AGPS: variants seen among roughly 807,000 people sequenced by gnomAD.
The protein encoded by AGPS is alkylglycerone phosphate synthase.
Under a neutral mutation model 90.7 loss-of-function variants are expected in AGPS, and 26 were observed. The observed-to-expected ratio is 0.29, with a 90% confidence interval of 0.21 to 0.40. The LOEUF is 0.40. AGPS is among the 10% of genes least tolerant of loss of function. The pLI is 1.00. For synonymous variants in AGPS, 294 were observed against 285.3 expected (o/e 1.03, Z -0.31); for missense variants, 540 against 816.1 (o/e 0.66, Z 4.12).
chr2:177,517,347 C>T (rs748718038), intron 17 of AGPS, among the ~76,000 whole-genome samples: 1 of 152,186 alleles, frequency 6.6e-6, no homozygotes, highest in Non-Finnish European at 1.5e-5. Flanking sequence ...TTGGTACAAT[C>T]ATCCTATTTG....
intron 17 of AGPS, among the ~76,000 whole-genome samples, chr2:177,517,559 C>CT (rs1456786655): frequency 6.6e-6 from 1 of 152,102 alleles, no homozygotes; most frequent in Non-Finnish European, 1.5e-5. Flanking sequence ...TAGTGACTGA[C>CT]TTTAAGTGCA....
chr2:177,524,314 G>C (rs2079060913), intron 19 of AGPS, among the ~76,000 whole-genome samples: 2 of 152,102 alleles, frequency 1.3e-5, no homozygotes, highest in Admixed American at 1.3e-4. Context: ...GGTCATTTTG[G>C]TAAGTATCGA....
intron 8 of AGPS, among the ~76,000 whole-genome samples, chr2:177,454,358 T>C (rs1437047801): frequency 6.6e-6 from 1 of 152,016 alleles, no homozygotes; most frequent in African/African-American, 2.4e-5. Context: ...ATATTTTTAA[T>C]CTCAGACATT....
At chr2:177,439,486 A>AT (rs1234993599) in intron 5 of AGPS, among the ~76,000 whole-genome samples, 3 of 152,294 alleles carry the variant, frequency 2.0e-5, no homozygotes, top group South Asian at 4.1e-4. Context: ...TTTGTGAATT[A>AT]TTAATTAATG....
At chr2:177,427,404 G>A (rs1003942170) in intron 2 of AGPS, among the ~76,000 whole-genome samples, 2 of 152,072 alleles carry the variant, frequency 1.3e-5, no homozygotes, top group African/African-American at 4.8e-5. Context: ...TTTGGAGTTT[G>A]TTCTTGGTTC....
At chr2:177,394,918 G>T (rs1685130216) in intron 1 of AGPS, among the ~76,000 whole-genome samples, 1 of 152,150 alleles carries the variant, frequency 6.6e-6, no homozygotes, top group Admixed American at 6.5e-5. Flanking sequence ...GAAATGCTGG[G>T]ATTCTGAACT....
At chr2:177,415,248 G>A (rs931779112) in intron 1 of AGPS, among the ~76,000 whole-genome samples, 1 of 152,030 alleles carries the variant, frequency 6.6e-6, no homozygotes, top group Non-Finnish European at 1.5e-5. Context: ...AATGCTCCAG[G>A]GAATATATCA....
At chr2:177,441,746 A>G (rs1196431168) in intron 6 of AGPS, among the ~76,000 whole-genome samples, 3 of 152,200 alleles carry the variant, frequency 2.0e-5, no homozygotes, top group African/African-American at 7.2e-5. Context: ...AGATCTGGTT[A>G]AGAACAGAGA....
At chr2:177,529,643 G>C (rs2079119704) in intron 19 of AGPS, among the ~76,000 whole-genome samples, 1 of 152,168 alleles carries the variant, frequency 6.6e-6, no homozygotes, top group Non-Finnish European at 1.5e-5. Flanking sequence ...TTATTCACTG[G>C]AGAAGTAGGG....
chr2:177,464,153 C>G (rs1687380315), intron 9 of AGPS, among the ~76,000 whole-genome samples: 1 of 152,096 alleles, frequency 6.6e-6, no homozygotes. Context: ...GTTGGCCAGG[C>G]TGGTCTTGAA....
intron 2 of AGPS, among the ~76,000 whole-genome samples, chr2:177,422,441 A>G (rs1240830538): frequency 2.0e-5 from 3 of 152,136 alleles, no homozygotes; most frequent in African/African-American, 7.2e-5. Context: ...ACCAGAATGC[A>G]TTCCTTAAAG....
chr2:177,423,904 AGCATAAG>A (rs889027201), intron 2 of AGPS, among the ~76,000 whole-genome samples: 3 of 152,102 alleles, frequency 2.0e-5, no homozygotes, highest in African/African-American at 7.2e-5. Flanking sequence ...GGGTTTAAGC[AGCATAAG>A]GCAATACTCT....
At chr2:177,522,245 G>C (rs1689215860) in intron 18 of AGPS, among the ~76,000 whole-genome samples, 1 of 152,090 alleles carries the variant, frequency 6.6e-6, no homozygotes, top group South Asian at 2.1e-4. Context: ...GCCTTTCACT[G>C]CTTCAGTGTT....
Position 177,437,201 on chromosome 2 carries a change from C to A in AGPS, c.637+147C>A. 3.9e-6 allele frequency: 3 copies of A among 777,810 alleles called. No individual in the cohort carries two copies. The South Asian group carries it at 4.7e-5, about 12-fold the overall frequency. 48.2% of individuals were successfully genotyped at this position (777,810 alleles called of 1,614,324 possible). On this transcript the variant is annotated intron_variant, in intron 5 of 19. Coordinates refer to ENST00000264167, the MANE Select transcript of AGPS (RefSeq NM_003659.4). ...GAGAGTTTACATAACAGTCTTGAAG[C>A]TCTTTCTTGACTTGGTTGTTCTGAA...
chr2:177,461,830 G>T, intron 8 of AGPS, 63 bp from the exon 9 acceptor site: 2 of 1,468,468 alleles, frequency 1.4e-6, no homozygotes, highest in Non-Finnish European at 9.3e-7. Flanking sequence ...AGGAGTTAAT[G>T]TGTTGAGTGC....
chr2:177,445,403 T>G, intron 7 of AGPS, 143 bp from the exon 8 acceptor site: 1 of 701,112 alleles, frequency 1.4e-6, no homozygotes, highest in Non-Finnish European at 2.6e-6. Context: ...TAAGTGGACT[T>G]GGTTTCCAGT....
At chr2:177,513,072 T>C (rs1041195775) in intron 16 of AGPS, among the ~76,000 whole-genome samples, 6 of 118,364 alleles carry the variant, frequency 5.1e-5, no homozygotes, top group African/African-American at 1.9e-4. Flanking sequence ...AACATCATGA[T>C]TATTAATTGA....
intron 8 of AGPS, among the ~76,000 whole-genome samples, chr2:177,460,151 A>T (rs4341974): frequency 2.6e-5 from 4 of 151,954 alleles, no homozygotes; most frequent in Admixed American, 6.6e-5. Context: ...AACATCACAC[A>T]GTGGGGCCTG....
chr2:177,477,920 T>G (rs1559064541), intron 10 of AGPS, among the ~76,000 whole-genome samples: 3 of 152,324 alleles, frequency 2.0e-5, no homozygotes, highest in South Asian at 4.1e-4. Flanking sequence ...GAAATATGCA[T>G]TAATACTATC....
Sources: allele counts gnomAD v4.1 joint callset (sites outside exome capture counted in the v4.1 genomes callset), GRCh38; gene constraint gnomAD v4.1.1; transcripts MANE v1.5; gene names NCBI Gene and HGNC (gene_info 2026-07-23, HGNC 2026-07-21).